RNF220: variants seen among roughly 807,000 people sequenced by gnomAD.
The protein encoded by RNF220 is ring finger protein 220, also known as E3 ubiquitin-protein ligase RNF220.
In RNF220, 7 loss-of-function variants were observed where a neutral mutation model predicts 67.1. The observed-to-expected ratio is 0.10, with a 90% confidence interval of 0.06 to 0.20. The LOEUF (loss-of-function observed/expected upper bound fraction) is 0.20. Ranked by LOEUF, RNF220 falls within the 10% of genes least tolerant of loss-of-function variation. The probability of loss-of-function intolerance (pLI) is 1.00; values close to 1 mark genes in which losing one functional copy is unlikely to be tolerated. For missense variants in RNF220, 565 were observed against 740.3 expected (o/e 0.76, Z 2.75); for synonymous variants, 270 against 283.2 (o/e 0.95, Z 0.47).
At chr1:44,410,994 G>C (rs116122185) in intron 1 of RNF220, among the ~76,000 whole-genome samples, 5,197 of 152,250 alleles carry the variant, frequency 0.034, 126 homozygotes, top group African/African-American at 0.065. Context: ...ATTTGTTCCG[G>C]GGGCCTTTAT....
intron 2 of RNF220, among the ~76,000 whole-genome samples, chr1:44,432,062 C>T (rs140641420): frequency 2.2e-4 from 34 of 152,264 alleles, no homozygotes; most frequent in African/African-American, 7.9e-4. Context: ...TTCCCCTTAC[C>T]GTGGCTTCTG....
chr1:44,447,307 A>G (rs986554774), intron 2 of RNF220, among the ~76,000 whole-genome samples: 1 of 152,178 alleles, frequency 6.6e-6, no homozygotes, highest in Non-Finnish European at 1.5e-5. Flanking sequence ...ACTTTCATCT[A>G]AAAAATAGGC....
intron 2 of RNF220, among the ~76,000 whole-genome samples, chr1:44,581,523 A>G (rs1347844517): frequency 1.3e-5 from 2 of 152,238 alleles, no homozygotes; most frequent in Non-Finnish European, 2.9e-5. Flanking sequence ...ACCTCTGGCC[A>G]GGCAACCATG....
At chr1:44,634,953 G>A (rs1644281343) in intron 6 of RNF220, among the ~76,000 whole-genome samples, 2 of 152,112 alleles carry the variant, frequency 1.3e-5, no homozygotes, top group Admixed American at 6.5e-5. Flanking sequence ...GACCCAGACC[G>A]TCTTACCTTT....
At chr1:44,480,388 C>T (rs7552668) in intron 2 of RNF220, among the ~76,000 whole-genome samples, 1 of 152,042 alleles carries the variant, frequency 6.6e-6, no homozygotes, top group African/African-American at 2.4e-5. Context: ...GCCTGGGCAA[C>T]AAAGTGACTC....
chr1:44,565,075 G>T lies in RNF220; in HGVS notation c.626-49090G>T, dbSNP rs527727393. ...GGCCTGAATCAACTCCATCCCCTGC[G>T]CATAGCATGGGCCTGGCCTTAGGAC... On this transcript the variant is annotated intron_variant, in intron 2 of 14. Transcript: ENST00000361799. This position sits in a 1 kb window ranked among gnomAD's most constrained non-coding sequence, Gnocchi z 4.2. Among the ~76,000 whole-genome samples the T allele has an allele frequency of 6.6e-6, 1 of 151,524 alleles. No individual in the cohort carries two copies. The highest frequency in any genetic ancestry group is 6.6e-5 in the Admixed American group (1 of 15,200).
rs74070491 is a variant in RNF220, at chr1:44,412,784, A to C, written c.625+62A>C. ...TAAGCCCTGCCTCACCGTGATGTTC[A>C]ACAGGTCGGTGGCGTTTTGCATGCT... is the stretch of plus-strand genomic sequence containing the variant. On this transcript the variant is annotated intron_variant, in intron 2 of 14. Coordinates refer to ENST00000361799, the MANE Select transcript of RNF220 (RefSeq NM_018150.4). The surrounding 1 kb of genome is among the most constrained non-coding windows in gnomAD (Gnocchi z 5.3). 3.6e-3 allele frequency: 5,624 copies of C among 1,554,290 alleles called. 183 individuals are homozygous for C. In the African/African-American group the frequency reaches 0.067, roughly 18 times the overall value.
At chr1:44,440,156 TTAAA>T (rs1385019097) in intron 2 of RNF220, among the ~76,000 whole-genome samples, 14 of 152,230 alleles carry the variant, frequency 9.2e-5, no homozygotes, top group Non-Finnish European at 1.8e-4. Context: ...TTAATTAAAA[TTAAA>T]TAAAATTAAA....
intron 2 of RNF220, among the ~76,000 whole-genome samples, chr1:44,577,396 C>T (rs1664889784): frequency 6.6e-6 from 1 of 152,174 alleles, no homozygotes; most frequent in African/African-American, 2.4e-5. Context: ...CACCTCTCCT[C>T]CCAGCTTTTC....
intron 1 of RNF220, among the ~76,000 whole-genome samples, chr1:44,411,319 CAAAAT>C (rs1486980555): frequency 2.0e-5 from 3 of 152,142 alleles, no homozygotes; most frequent in Non-Finnish European, 4.4e-5. Flanking sequence ...AGGTGTGCCT[CAAAAT>C]AAATGTTAAT....
intron 2 of RNF220, among the ~76,000 whole-genome samples, chr1:44,516,014 C>T (rs888577388): frequency 1.3e-5 from 2 of 152,122 alleles, no homozygotes; most frequent in African/African-American, 4.8e-5. Flanking sequence ...GATCTGCCTC[C>T]CTTGAATGTG....
At chr1:44,576,077 C>G (rs146794027) in intron 2 of RNF220, among the ~76,000 whole-genome samples, 1 of 152,344 alleles carries the variant, frequency 6.6e-6, no homozygotes, top group Admixed American at 6.5e-5. Context: ...TACCATAGAT[C>G]ACTTCATCAG....
At chr1:44,577,868 A>C in intron 2 of RNF220, among the ~76,000 whole-genome samples, 2 of 147,176 alleles carry the variant, frequency 1.4e-5, no homozygotes, top group East Asian at 2.0e-4. Context: ...AAAGGGTCTC[A>C]CCCTATCCCC....
rs924603682 is a variant in RNF220 at position 44,649,556 on chromosome 1, T to C, written c.1446-105T>C. ...GAGAAAGGGGGCAGGCAGGGATGCC[T>C]AGGGGACATTTATGTATTTGGTTCT... On this transcript the variant is annotated intron_variant, in intron 12 of 14. Coordinates refer to ENST00000361799, the MANE Select transcript of RNF220 (RefSeq NM_018150.4). The surrounding 1 kb of genome is among the most constrained non-coding windows in gnomAD (Gnocchi z 5.9). The C allele has an allele frequency of 3.9e-6, 4 of 1,038,670 alleles. No homozygotes were observed. The highest frequency in any genetic ancestry group is 1.8e-5 in the Admixed American group (1 of 55,778). The allele number at this position is 1,038,670 out of a possible 1,614,324, so 64.3% of individuals were successfully genotyped here. A position where few individuals can be genotyped will look rare whatever the true frequency, so the allele number is the denominator to read the frequency against.
chr1:44,408,121 C>A (rs1341914186), intron 1 of RNF220, among the ~76,000 whole-genome samples: 2 of 152,156 alleles, frequency 1.3e-5, no homozygotes, highest in Non-Finnish European at 2.9e-5. Flanking sequence ...GCGTTGGGCC[C>A]AAGTTTATGT....
intron 5 of RNF220, chr1:44,631,849 G>T: frequency 1.0e-6 from 1 of 956,360 alleles, no homozygotes; most frequent in Non-Finnish European, 1.2e-6. Context: ...GGGACCCCGG[G>T]GAGGCTTCTG....
intron 2 of RNF220, among the ~76,000 whole-genome samples, chr1:44,488,379 TC>T (rs1365747396): frequency 2.6e-5 from 4 of 152,162 alleles, no homozygotes; most frequent in Non-Finnish European, 5.9e-5. Flanking sequence ...TCCACCCGCC[TC>T]AGCCCCCCAA....
chr1:44,421,594 T>TG lies in RNF220; in HGVS notation c.625+8879dup, dbSNP rs774264474. ...GAGAAATACAGCAGCAGGACTGAGA[T>TG]GGGGGGGCTGCCTGGGGAGGGATTA... On this transcript the variant is annotated intron_variant, in intron 2 of 14. Coordinates refer to ENST00000361799, the MANE Select transcript of RNF220 (RefSeq NM_018150.4). Among the ~76,000 whole-genome samples the TG allele has an allele frequency of 9.5e-4, 12 of 12,658 alleles. No individual in the cohort carries two copies. The East Asian group carries it at 0.019, about 20-fold the overall frequency. 8.3% of individuals were successfully genotyped at this position (12,658 alleles called of 152,430 possible).
intron 2 of RNF220, among the ~76,000 whole-genome samples, chr1:44,425,569 C>T (rs1265964600): frequency 3.9e-5 from 6 of 152,096 alleles, no homozygotes; most frequent in East Asian, 1.9e-4. Context: ...AATAGAGGAA[C>T]GGTTCAGCAA....
Sources: gnomAD v4.1 joint callset for allele counts (sites outside exome capture counted in the v4.1 genomes callset) on GRCh38, gnomAD v4.1.1 for gene constraint, Gnocchi (gnomAD v3.1) non-coding constraint, MANE v1.5 for transcripts, NCBI Gene and HGNC (gene_info 2026-07-23, HGNC 2026-07-21) for gene names.